UBR3: variants seen among roughly 807,000 people sequenced by gnomAD.
The protein encoded by UBR3 is ubiquitin protein ligase E3 component n-recognin 3, also known as E3 ubiquitin-protein ligase UBR3.
Under a neutral mutation model 243.2 loss-of-function variants are expected in UBR3, and 85 were observed. The observed-to-expected ratio is 0.35, with a 90% CI of 0.29 to 0.42. UBR3 has a LOEUF of 0.42. UBR3 is among the 10% of genes least tolerant of loss of function. UBR3 has a pLI of 1.00. For missense variants in UBR3, 1,686 were observed against 2,300.8 expected, an observed-to-expected ratio of 0.73 and a Z score of 5.47; for synonymous variants, 748 against 799.8, an observed-to-expected ratio of 0.94 and a Z score of 1.09.
chr2:169,843,765 A>C (rs936799987), intron 1 of UBR3, among the ~76,000 whole-genome samples: 4 of 152,172 alleles, frequency 2.6e-5, no homozygotes, highest in Non-Finnish European at 5.9e-5. Context: ...CTTTTGCAAT[A>C]TCTCTGTCTG....
chr2:169,986,939 T>A (rs2089032405), intron 25 of UBR3, 145 bp downstream of exon 25: 2 of 823,694 alleles, frequency 2.4e-6, no homozygotes, highest in Non-Finnish European at 3.6e-6. Context: ...TAACAAAGAT[T>A]CTTTATCGGT....
chr2:170,018,750 TACC>T (rs540966075), intron 30 of UBR3, among the ~76,000 whole-genome samples: 254 of 152,320 alleles, frequency 1.7e-3, no homozygotes, highest in African/African-American at 5.8e-3. Flanking sequence ...ATACAGTAAG[TACC>T]ACCAACTTGG....
intron 19 of UBR3, among the ~76,000 whole-genome samples, chr2:169,935,406 T>G (rs898910046): frequency 5.3e-5 from 8 of 152,294 alleles, no homozygotes; most frequent in Admixed American, 5.2e-4. Flanking sequence ...TAGTCTCAAG[T>G]GATCTTCCTG....
chr2:169,940,441 T>G (rs2086536806), intron 19 of UBR3, among the ~76,000 whole-genome samples: 1 of 152,226 alleles, frequency 6.6e-6, no homozygotes, highest in Non-Finnish European at 1.5e-5. Context: ...TGGTTTCTAG[T>G]TTTATTTGCT....
intron 30 of UBR3, among the ~76,000 whole-genome samples, chr2:170,022,642 G>A (rs898182683): frequency 6.6e-6 from 1 of 152,136 alleles, no homozygotes; most frequent in Non-Finnish European, 1.5e-5. Context: ...ATCCATCATA[G>A]TTAATGTAAT....
chr2:170,062,980 T>C (rs2091483859), intron 35 of UBR3, among the ~76,000 whole-genome samples: 1 of 152,226 alleles, frequency 6.6e-6, no homozygotes, highest in East Asian at 1.9e-4. Flanking sequence ...TTGAATTTCA[T>C]ATGAGGGAAT....
intron 35 of UBR3, among the ~76,000 whole-genome samples, chr2:170,062,282 T>C (rs552617196): frequency 6.6e-6 from 1 of 152,208 alleles, no homozygotes; most frequent in Non-Finnish European, 1.5e-5. Context: ...TATAGGAATG[T>C]GATCCTGACT....
intron 1 of UBR3, among the ~76,000 whole-genome samples, chr2:169,829,189 G>A (rs180704430): frequency 6.6e-6 from 1 of 152,130 alleles, no homozygotes; most frequent in Admixed American, 6.5e-5. Flanking sequence ...CAAAATGTTT[G>A]TACCTACTAT....
chr2:169,977,681 A>G (rs770746521), intron 24 of UBR3, among the ~76,000 whole-genome samples: 20 of 152,178 alleles, frequency 1.3e-4, no homozygotes, highest in Admixed American at 5.2e-4. Context: ...TCTGTTGGAT[A>G]GTGCTCGCCC....
At chr2:169,892,090 G>A (rs745773577) in intron 6 of UBR3, among the ~76,000 whole-genome samples, 5 of 152,188 alleles carry the variant, frequency 3.3e-5, no homozygotes, top group Middle Eastern at 6.3e-3. Context: ...GGTGGAATAT[G>A]CAGGCACTTT....
chr2:170,035,911 G>GGGGT (rs2090815904), intron 31 of UBR3, among the ~76,000 whole-genome samples: 1 of 18,498 alleles, frequency 5.4e-5, no homozygotes, highest in African/African-American at 2.7e-4. Context: ...GTATTTTATT[G>GGGGT]GGGGGGGGGT....
intron 25 of UBR3, among the ~76,000 whole-genome samples, chr2:169,990,229 C>T (rs954029835): frequency 6.6e-6 from 1 of 152,096 alleles, no homozygotes; most frequent in Admixed American, 6.5e-5. Flanking sequence ...CTTCAAAACA[C>T]TGCTTAATTA....
At chr2:169,993,804 T>C (rs1022769542) in intron 25 of UBR3, among the ~76,000 whole-genome samples, 1 of 152,190 alleles carries the variant, frequency 6.6e-6, no homozygotes, top group Admixed American at 6.5e-5. Flanking sequence ...ATTACTATTA[T>C]TATTCTTTTT....
intron 5 of UBR3, among the ~76,000 whole-genome samples, chr2:169,880,174 T>C (rs79802116): frequency 1.5e-3 from 236 of 152,332 alleles, no homozygotes; most frequent in African/African-American, 5.5e-3. Flanking sequence ...AGGGGTCTTA[T>C]ATCTGTAGCC....
At chr2:169,934,892 C>G (rs1336363625) in intron 19 of UBR3, among the ~76,000 whole-genome samples, 4 of 152,104 alleles carry the variant, frequency 2.6e-5, no homozygotes, top group African/African-American at 9.7e-5. Context: ...AAGATCTAGT[C>G]CAGGTTTTAT....
At chr2:170,012,817 T>C (rs1031481137) in intron 29 of UBR3, among the ~76,000 whole-genome samples, 4 of 152,186 alleles carry the variant, frequency 2.6e-5, no homozygotes, top group Admixed American at 6.5e-5. Context: ...GGGTGTGTAG[T>C]GTGTGTACAC....
At chr2:169,961,890 T>TTTG in intron 24 of UBR3, among the ~76,000 whole-genome samples, 1 of 149,966 alleles carries the variant, frequency 6.7e-6, no homozygotes, top group East Asian at 1.9e-4. Context: ...TTTTTTTTTT[T>TTTG]GATAACTGGT....
At chr2:169,875,004 T>G (rs779057984) in intron 2 of UBR3, among the ~76,000 whole-genome samples, 16 of 150,144 alleles carry the variant, frequency 1.1e-4, no homozygotes, top group Non-Finnish European at 2.2e-4. Flanking sequence ...AAGCTTTTCT[T>G]TCTCTCCATC....
In UBR3 at chr2:169,877,542, T is replaced by A. The variant is rs1433084309; in HGVS notation, c.893T>A (p.Ile298Lys). 1 of 1,546,822 alleles carries A rather than the reference T, an allele frequency of 6.5e-7. No individual in the cohort carries two copies. Among genetic ancestry groups the A allele is most frequent in the African/African-American group, 1.4e-5 (1 of 72,730 alleles). The change falls in exon 4 of 39, where the codon ATA becomes AAA. Residue 298 changes from isoleucine to lysine, a missense_variant. Around this residue, in one of 8 missense-constraint regions of UBR3, gnomAD observed 200 missense variants for 231.6 expected, o/e 0.86. Transcript: ENST00000272793. ...AAGAAAAGTCATGAAAAGTACCTTA[T>A]AGCTTTAAAGAGCTCTGGACTTACA... ...CVKKSHEKYLIALKSSGLTYP... is the reference protein window; with the variant it reads ...CVKKSHEKYLKALKSSGLTYP...
Sources: allele counts gnomAD v4.1 joint callset (sites outside exome capture counted in the v4.1 genomes callset), GRCh38; gene constraint gnomAD v4.1.1; regional missense constraint gnomAD v4.1.1; transcripts MANE v1.5; gene names NCBI Gene and HGNC (gene_info 2026-07-23, HGNC 2026-07-21).